The following UQCR10 variants were observed in gnomAD, a reference collection of about 807,000 sequenced individuals.
UQCR10 encodes cytochrome b-c1 complex subunit 9.
UQCR10 carries 5 observed loss-of-function variants against 6.0 expected under a neutral mutation model. The observed-to-expected ratio is 0.83, with a 90% CI of 0.43 to 1.74. The LOEUF (loss-of-function observed/expected upper bound fraction) is 1.74. UQCR10 is among the 40% of genes most tolerant of loss of function. The probability of loss-of-function intolerance (pLI) is 0.02; values close to 1 mark genes in which losing one functional copy is unlikely to be tolerated. For missense variants in UQCR10, 101 were observed against 85.1 expected, an observed-to-expected ratio of 1.19 and a Z score of -0.74; for synonymous variants, 40 against 37.4, an observed-to-expected ratio of 1.07 and a Z score of -0.26.
In UQCR10 at chr22:29,767,437, GCTGTT is replaced by G; in HGVS notation, c.41_45del (p.Leu14ProfsTer46). 6.2e-7 allele frequency: 1 copy of G among 1,613,956 alleles called. No homozygotes were observed. The highest frequency in any genetic ancestry group is 8.5e-7 in the Non-Finnish European group (1 of 1,179,862). ...CGTTGACTTCGAAATTGTACTCCCT[GCTGTT>G]CCGCAGGACCTCCACCTTCGCCCTC... On this transcript the variant is annotated frameshift_variant, in exon 1 of 2. Transcript: ENST00000330029. LOFTEE classifies it high-confidence loss of function.
At position 29,770,295 on chromosome 22, in the gene UQCR10, T is replaced by C. The variant is rs750381854; in HGVS notation, c.*576T>C. On this transcript the variant is annotated 3_prime_UTR_variant, in exon 2 of 2. Coordinates refer to ENST00000330029, the MANE Select transcript of UQCR10 (RefSeq NM_013387.4). The stretch of plus-strand genomic sequence containing the variant: ...CCAATCCTTTGGCTTCCCTGGGCCA[T>C]GTTGGAAGAATTGTCTTGGGCCACA... The C allele has an allele frequency of 1.0e-3, 239 of 229,626 alleles. No homozygotes were observed. Among genetic ancestry groups the C allele is most frequent in the Non-Finnish European group, 1.7e-3 (194 of 112,274 alleles). 14.2% of individuals were successfully genotyped at this position (229,626 alleles called of 1,614,324 possible).
chr22:29,770,270 C>G lies in UQCR10; in HGVS notation c.*551C>G, dbSNP rs1434474396. ...ACCCTAGGGTATAGTTCAGGGGTATCCAATCCTTTGGCTTCCCTGGGCCAT... is the reference window on the plus strand; with the variant it reads ...ACCCTAGGGTATAGTTCAGGGGTATGCAATCCTTTGGCTTCCCTGGGCCAT... On this transcript the variant is annotated 3_prime_UTR_variant, in exon 2 of 2. Coordinates refer to ENST00000330029, the MANE Select transcript of UQCR10 (RefSeq NM_013387.4). 2 of 251,384 alleles carry G rather than the reference C, an allele frequency of 8.0e-6. No individual in the cohort carries two copies. The highest frequency in any genetic ancestry group is 4.4e-5 in the African/African-American group (2 of 45,250). 15.6% of individuals were successfully genotyped at this position (251,384 alleles called of 1,614,324 possible).
At chr22:29,767,595 C>T in intron 1 of UQCR10, 47 bp downstream of exon 1, 1 of 1,550,330 alleles carries the variant, frequency 6.5e-7, no homozygotes, top group South Asian at 1.1e-5. Flanking sequence ...TGAGGGGTGA[C>T]AGTGGAGTAG....
At position 29,769,715 on chromosome 22, in the gene UQCR10, A is replaced by G. The variant is rs1291999813; in HGVS notation, c.188A>G (p.Lys63Arg). The part of the protein sequence containing the change: ...WKHIKHKYEN[K>R] ...CACATCAAGCACAAGTATGAGAACAAGTAGTTCCTTGGAGGCCCCCATCCA... is the reference window on the plus strand; with the variant it reads ...CACATCAAGCACAAGTATGAGAACAGGTAGTTCCTTGGAGGCCCCCATCCA... Residue 63 changes from lysine (K) to arginine (R), a missense_variant, in exon 2 of 2, where the codon AAG becomes AGG. Physicochemically the swap from Lys to Arg is conservative, Grantham distance 26 (BLOSUM62 2). Transcript: ENST00000330029. 2.5e-6 allele frequency: 4 copies of G among 1,608,490 alleles called. No individual in the cohort carries two copies. In the South Asian group the frequency reaches 4.5e-5, roughly 18 times the overall value.
chr22:29,768,913 C>T (rs553851404), intron 1 of UQCR10, among the ~76,000 whole-genome samples: 210 of 152,330 alleles, frequency 1.4e-3, no homozygotes, highest in Admixed American at 3.1e-3. Flanking sequence ...AGGCGTGAGC[C>T]ACTGTGCTCA....
At chr22:29,767,742 C>T in intron 1 of UQCR10, 194 bp downstream of exon 1, 2 of 885,144 alleles carry the variant, frequency 2.3e-6, no homozygotes, top group Non-Finnish European at 3.3e-6. Context: ...TAATATATTT[C>T]ATTTTGCAGG....
rs1271763709 is a variant in UQCR10 at position 29,769,962 on chromosome 22, G to A, written c.*243G>A. Reference sequence around the variant, plus strand: ...GCCCTTGAGACCTGCTTCTACATTGGTTGCTTTGTTAACTCTACCTGATCT... The same window carrying A: ...GCCCTTGAGACCTGCTTCTACATTGATTGCTTTGTTAACTCTACCTGATCT... On this transcript the variant is annotated 3_prime_UTR_variant, in exon 2 of 2. Coordinates refer to ENST00000330029, the MANE Select transcript of UQCR10 (RefSeq NM_013387.4). The A allele has an allele frequency of 4.6e-6, 3 of 649,598 alleles. No homozygotes were observed. Among genetic ancestry groups the A allele is most frequent in the South Asian group, 4.5e-5 (3 of 66,222 alleles). 40.2% of individuals were successfully genotyped at this position (649,598 alleles called of 1,614,324 possible).
In UQCR10 at chr22:29,770,004, T is replaced by C; in HGVS notation, c.*285T>C. On this transcript the variant is annotated 3_prime_UTR_variant, in exon 2 of 2. Transcript: ENST00000330029. ...ACCTGATCTTCACTTGTCAGTAATT[T>C]GAGACCACTTCAAAGCCCTCTGCAA... 1.7e-6 allele frequency: 1 copy of C among 593,912 alleles called. No individual in the cohort carries two copies. Among genetic ancestry groups the C allele is most frequent in the Middle Eastern group, 2.6e-4 (1 of 3,816 alleles). The allele number at this position is 593,912 out of a possible 1,614,324, so 36.8% of individuals were successfully genotyped here.
At chr22:29,767,724 A>G in intron 1 of UQCR10, 176 bp downstream of exon 1, 2 of 989,398 alleles carry the variant, frequency 2.0e-6, no homozygotes, top group Non-Finnish European at 2.9e-6. Flanking sequence ...TAAAACGTTA[A>G]GCGAGGTTAA....
chr22:29,768,450 G>A (rs534537269), intron 1 of UQCR10, among the ~76,000 whole-genome samples: 11 of 152,140 alleles, frequency 7.2e-5, no homozygotes, highest in Non-Finnish European at 1.5e-4. Flanking sequence ...TCTGCAGCCC[G>A]GGAAGGCACT....
Position 29,767,413 on chromosome 22 carries a change from G to T in UQCR10, c.15G>T (p.Thr5=), listed in dbSNP as rs780057933. 25 of 1,612,934 alleles carry T rather than the reference G, an allele frequency of 1.5e-5. No individual in the cohort carries two copies. The Admixed American group carries it at 4.2e-4, about 27-fold the overall frequency. Residue 5 remains threonine, a synonymous_variant, in exon 1 of 2, where the codon ACG becomes ACT. Transcript: ENST00000330029. Reference sequence around the variant, plus strand: ...TGTGAAGAAACATGGCGGCCGCGACGTTGACTTCGAAATTGTACTCCCTGC... The same window carrying T: ...TGTGAAGAAACATGGCGGCCGCGACTTTGACTTCGAAATTGTACTCCCTGC... MAAA[T]LTSKLYSLLF...
At chr22:29,767,621 C>A (rs1251278424) in intron 1 of UQCR10, 73 bp downstream of exon 1, 1 of 1,519,368 alleles carries the variant, frequency 6.6e-7, no homozygotes, top group Admixed American at 1.9e-5. Flanking sequence ...GGATGGGACT[C>A]AGTATACTTT....
intron 1 of UQCR10, among the ~76,000 whole-genome samples, chr22:29,768,654 TCTCA>T (rs1569344439): frequency 5.9e-5 from 9 of 151,978 alleles, no homozygotes; most frequent in Admixed American, 4.6e-4. Context: ...TGAGACAGGA[TCTCA>T]CTCTGTCGCC....
Position 29,769,930 on chromosome 22 carries a change from G to T in UQCR10, c.*211G>T, listed in dbSNP as rs752575349. 1.0e-4 allele frequency: 74 copies of T among 706,114 alleles called. No individual in the cohort carries two copies. Among genetic ancestry groups the T allele is most frequent in the Non-Finnish European group, 1.6e-4 (62 of 390,202 alleles). 43.7% of individuals were successfully genotyped at this position (706,114 alleles called of 1,614,324 possible). On this transcript the variant is annotated 3_prime_UTR_variant, in exon 2 of 2. Transcript: ENST00000330029. ...TAGTCAGCATGCTCAGGAAATAAAT[G>T]TGAATTGCCCTTGAGACCTGCTTCT...
At position 29,769,817 on chromosome 22, in the gene UQCR10, C is replaced by T. The variant is rs759746483; in HGVS notation, c.*98C>T. ...CAGCTTGAAGATGATGCTCAAGGTACTCTTCATGGACCACCATTCGCTGTT... is the reference window on the plus strand; with the variant it reads ...CAGCTTGAAGATGATGCTCAAGGTATTCTTCATGGACCACCATTCGCTGTT... On this transcript the variant is annotated 3_prime_UTR_variant, in exon 2 of 2. Transcript: ENST00000330029. The T allele has an allele frequency of 7.4e-7, 1 of 1,350,370 alleles. No individual in the cohort carries two copies. Among genetic ancestry groups the T allele is most frequent in the South Asian group, 1.3e-5 (1 of 79,830 alleles). 83.6% of individuals were successfully genotyped at this position (1,350,370 alleles called of 1,614,324 possible). A position where few individuals can be genotyped will look rare whatever the true frequency, so the allele number is the denominator to read the frequency against.
chr22:29,769,615 G>A (rs2068249142), intron 1 of UQCR10, 63 bp from the exon 2 acceptor site: 3 of 1,485,188 alleles, frequency 2.0e-6, no homozygotes, highest in Non-Finnish European at 2.7e-6. Flanking sequence ...CAGGGCAGTG[G>A]GAGTAGTTGT....
intron 1 of UQCR10, 28 bp from the exon 2 acceptor site, chr22:29,769,650 G>T: frequency 7.0e-7 from 1 of 1,434,752 alleles, no homozygotes. Context: ...AAAGGTCAAA[G>T]TTTGTGGCTC....
chr22:29,769,989 C>T lies in UQCR10; in HGVS notation c.*270C>T, dbSNP rs2068252594. 1.6e-6 allele frequency: 1 copy of T among 620,198 alleles called. No individual in the cohort carries two copies. The highest frequency in any genetic ancestry group is 3.0e-6 in the Non-Finnish European group (1 of 331,832). 38.4% of individuals were successfully genotyped at this position (620,198 alleles called of 1,614,324 possible). On this transcript the variant is annotated 3_prime_UTR_variant, in exon 2 of 2. Coordinates refer to ENST00000330029, the MANE Select transcript of UQCR10 (RefSeq NM_013387.4). ...TGCTTTGTTAACTCTACCTGATCTT[C>T]ACTTGTCAGTAATTTGAGACCACTT...
At chr22:29,768,204 G>A (rs925954406) in intron 1 of UQCR10, among the ~76,000 whole-genome samples, 3 of 152,160 alleles carry the variant, frequency 2.0e-5, no homozygotes, top group Non-Finnish European at 4.4e-5. Context: ...ATGCAGGCAG[G>A]GTGCCACATG....
Sources: allele counts gnomAD v4.1 joint callset (sites outside exome capture counted in the v4.1 genomes callset), GRCh38; gene constraint gnomAD v4.1.1; transcripts MANE v1.5; gene names NCBI Gene and HGNC (gene_info 2026-07-23, HGNC 2026-07-21).